COP1: variants seen among roughly 807,000 people sequenced by gnomAD.
COP1 encodes the protein COP1 E3 ubiquitin ligase, also known as E3 ubiquitin-protein ligase COP1.
COP1 carries 24 observed loss-of-function variants against 101.3 expected under a neutral mutation model. The ratio of observed to expected loss-of-function variants is 0.24; its 90% CI spans 0.17 to 0.33. The LOEUF is 0.33. Ranked by LOEUF, COP1 falls within the 10% of genes least tolerant of loss-of-function variation. COP1 has a pLI of 1.00. For missense variants in COP1, 663 were observed against 906.2 expected, an observed-to-expected ratio of 0.73 and a Z score of 3.45; for synonymous variants, 347 against 341.9, an observed-to-expected ratio of 1.01 and a Z score of -0.17.
intron 8 of COP1, among the ~76,000 whole-genome samples, chr1:176,128,420 C>A (rs1252787991): frequency 6.6e-6 from 1 of 151,906 alleles, no homozygotes; most frequent in Non-Finnish European, 1.5e-5. Context: ...AATCAAGATT[C>A]CTTAAGATTC....
At chr1:175,992,008 A>G (rs1028906465) in intron 15 of COP1, among the ~76,000 whole-genome samples, 5 of 152,226 alleles carry the variant, frequency 3.3e-5, no homozygotes, top group African/African-American at 1.2e-4. Flanking sequence ...AAACAAGTAT[A>G]TAGTTATTTA....
chr1:175,993,134 G>C (rs963550873), intron 15 of COP1, among the ~76,000 whole-genome samples: 3 of 152,176 alleles, frequency 2.0e-5, no homozygotes, highest in Admixed American at 6.5e-5. Context: ...AGGCAAACAG[G>C]GTCTGGAGTG....
At chr1:176,187,640 T>C (rs541822706) in intron 1 of COP1, among the ~76,000 whole-genome samples, 1 of 152,144 alleles carries the variant, frequency 6.6e-6, no homozygotes, top group South Asian at 2.1e-4. Flanking sequence ...CTTTGTGACT[T>C]TGAGCAAGTA....
chr1:176,011,042 C>T (rs979319184), intron 15 of COP1, among the ~76,000 whole-genome samples: 2 of 152,048 alleles, frequency 1.3e-5, no homozygotes, highest in African/African-American at 4.8e-5. Flanking sequence ...TTAATATTCC[C>T]CTTTAAACAT....
At chr1:176,093,071 A>G (rs997202988) in intron 9 of COP1, among the ~76,000 whole-genome samples, 15 of 152,194 alleles carry the variant, frequency 9.9e-5, no homozygotes, top group Non-Finnish European at 2.9e-5. Flanking sequence ...AAATCTTACT[A>G]TAATATTTTT....
In COP1 at chr1:176,179,405, C is replaced by T. The variant is rs1167034109; in HGVS notation, c.468-3398G>A. Among the ~76,000 whole-genome samples the T allele has an allele frequency of 6.6e-5, 10 of 152,156 alleles. No individual in the cohort carries two copies. In the East Asian group the frequency reaches 1.9e-3, roughly 29 times the overall value. On this transcript the variant is annotated intron_variant, in intron 2 of 19. Transcript: ENST00000367669. Reference sequence around the variant, plus strand: ...TTTAAAATAAATGATAGAAAATGTGCATATGACAAGAACAAGCTAGGCTGT... The same window carrying T: ...TTTAAAATAAATGATAGAAAATGTGTATATGACAAGAACAAGCTAGGCTGT...
At chr1:176,158,833 G>A (rs1770643) in intron 5 of COP1, among the ~76,000 whole-genome samples, 113,944 of 151,678 alleles carry the variant, frequency 0.75, 44,738 homozygotes, top group East Asian at 0.92. Context: ...TAGAGACAGG[G>A]TTTTACCATG....
chr1:176,004,426 T>G lies in COP1; in HGVS notation c.1730-14947A>C, dbSNP rs1378051992. Among the ~76,000 whole-genome samples, 149 of 122,774 alleles carry G rather than the reference T, an allele frequency of 1.2e-3. 1 individual carries two copies. The highest frequency in any genetic ancestry group is 4.0e-3 in the African/African-American group (148 of 36,608). The allele number at this position is 122,774 out of a possible 152,430, so 80.5% of individuals were successfully genotyped here. Reference sequence around the variant, plus strand: ...GGTGAGAGAGGGCATCCCTGTCTTGTGCCAGTTTTCAAAGGGAATGCTTCC... The same window carrying G: ...GGTGAGAGAGGGCATCCCTGTCTTGGGCCAGTTTTCAAAGGGAATGCTTCC... On this transcript the variant is annotated intron_variant, in intron 15 of 19. Transcript: ENST00000367669.
chr1:175,968,263 C>A, intron 18 of COP1: 1 of 247,694 alleles, frequency 4.0e-6, no homozygotes. Context: ...CGTAAGATAC[C>A]TCAAAAACCA....
chr1:176,089,040 C>T (rs1009631510), intron 9 of COP1, among the ~76,000 whole-genome samples: 11 of 148,688 alleles, frequency 7.4e-5, no homozygotes, highest in Non-Finnish European at 1.0e-4. Context: ...TGGTGGCTCA[C>T]GCCTGTAATC....
At position 176,149,004 on chromosome 1, in the gene COP1, A is replaced by G; in HGVS notation, c.831+2T>C. The G allele has an allele frequency of 6.4e-7, 1 of 1,553,646 alleles. No individual in the cohort carries two copies. The highest frequency in any genetic ancestry group is 8.8e-7 in the Non-Finnish European group (1 of 1,133,990). On this transcript the variant is annotated splice_donor_variant, in intron 6 of 19. Coordinates refer to ENST00000367669, the MANE Select transcript of COP1 (RefSeq NM_022457.7). LOFTEE classifies it high-confidence loss of function. ...TTATGTAAAACACACAAAATAATAT[A>G]CCTCTCTCTTATTTCTTCTTGCAAC...
chr1:176,067,940 G>C (rs754431410), intron 11 of COP1, among the ~76,000 whole-genome samples: 4 of 152,160 alleles, frequency 2.6e-5, no homozygotes, highest in African/African-American at 4.8e-5. Flanking sequence ...ACTCCTCTGA[G>C]CAGCAGGGCA....
At chr1:175,952,545 C>A (rs909835025) in intron 18 of COP1, among the ~76,000 whole-genome samples, 1 of 151,874 alleles carries the variant, frequency 6.6e-6, no homozygotes, top group Admixed American at 6.6e-5. Flanking sequence ...AACAGACCTG[C>A]GCTGTAAGAA....
intron 9 of COP1, among the ~76,000 whole-genome samples, chr1:176,100,866 C>A (rs1458854027): frequency 1.3e-5 from 2 of 152,034 alleles, no homozygotes; most frequent in Non-Finnish European, 2.9e-5. Flanking sequence ...AACACCCCCA[C>A]CCCCCAAGAC....
At chr1:175,963,159 T>G (rs1235330002) in intron 18 of COP1, among the ~76,000 whole-genome samples, 1 of 152,126 alleles carries the variant, frequency 6.6e-6, no homozygotes, top group Non-Finnish European at 1.5e-5. Context: ...TACAATGCAC[T>G]ATACCCACTG....
At chr1:176,048,550 A>G (rs1671913564) in intron 11 of COP1, among the ~76,000 whole-genome samples, 1 of 152,158 alleles carries the variant, frequency 6.6e-6, no homozygotes. Flanking sequence ...TCCCAACTCA[A>G]TTTATACCCA....
intron 11 of COP1, among the ~76,000 whole-genome samples, chr1:176,065,168 G>C (rs78411325): frequency 5.7e-4 from 87 of 152,222 alleles, no homozygotes; most frequent in Middle Eastern, 3.4e-3. Context: ...TACTTACTGT[G>C]TTTCAGTCAG....
At position 175,988,345 on chromosome 1, in the gene COP1, G is replaced by A; in HGVS notation, c.1915C>T (p.His639Tyr). 6.2e-7 allele frequency: 1 copy of A among 1,612,004 alleles called. No homozygotes were observed. Among genetic ancestry groups the A allele is most frequent in the African/African-American group, 1.3e-5 (1 of 74,976 alleles). ...CCTACAAAGTTTTTTTCATTGATAT[G>A]ACCCTTGAAGGAACGTAGGCAGTAT... ...KPYCLRSFKG[H>Y]INEKNFVGLA... is the part of the protein sequence containing the mutation. The change falls in exon 17 of 20, where the codon CAT becomes TAT. Residue 639 changes from histidine (H) to tyrosine (Y), a missense_variant. His to Tyr is a moderately conservative substitution (Grantham distance 83). Coordinates refer to ENST00000367669, the MANE Select transcript of COP1 (RefSeq NM_022457.7).
intron 3 of COP1, among the ~76,000 whole-genome samples, chr1:176,165,176 G>A (rs1694905409): frequency 6.6e-6 from 1 of 152,082 alleles, no homozygotes; most frequent in Non-Finnish European, 1.5e-5. Context: ...AATATAATGT[G>A]ATAATCAGTA....
Sources: gnomAD v4.1 joint callset for allele counts (sites outside exome capture counted in the v4.1 genomes callset) on GRCh38, gnomAD v4.1.1 for gene constraint, MANE v1.5 for transcripts, NCBI Gene and HGNC (gene_info 2026-07-23, HGNC 2026-07-21) for gene names.